Variants in POU6F2 observed in about 807,000 individuals in gnomAD.
POU6F2 encodes the protein POU domain, class 6, transcription factor 2.
In POU6F2, 31 loss-of-function variants were observed where a neutral mutation model predicts 71.3. The observed-to-expected ratio is 0.43, with a 90% CI of 0.33 to 0.59. The LOEUF (loss-of-function observed/expected upper bound fraction) is 0.59. Among genes scored for constraint, POU6F2 ranks in the 20% least tolerant of loss-of-function variants. The pLI is 0.04. For synonymous variants in POU6F2, 347 were observed against 355.7 expected (o/e 0.98, Z 0.27); for missense variants, 783 against 856.8 (o/e 0.91, Z 1.07).
intron 2 of POU6F2, among the ~76,000 whole-genome samples, chr7:39,102,360 G>T (rs1791592374): frequency 6.6e-6 from 1 of 151,984 alleles, no homozygotes; most frequent in African/African-American, 2.4e-5. Context: ...ATTTTTTACA[G>T]CCTCTTTTGC....
intron 6 of POU6F2, among the ~76,000 whole-genome samples, chr7:39,410,437 T>C (rs1787528732): frequency 6.6e-6 from 1 of 152,182 alleles, no homozygotes; most frequent in African/African-American, 2.4e-5. Flanking sequence ...TTAGTAGTCA[T>C]GAAATTGATC....
chr7:38,990,638 G>A (rs183507304), intron 1 of POU6F2, among the ~76,000 whole-genome samples: 2 of 152,082 alleles, frequency 1.3e-5, no homozygotes, highest in African/African-American at 4.8e-5. Flanking sequence ...CATAATGCTT[G>A]GTAGAGACAG....
intron 1 of POU6F2, chr7:39,002,159 T>C (rs1788934457): frequency 6.6e-6 from 1 of 152,226 alleles, no homozygotes. Flanking sequence ...GTACACTTTG[T>C]GGCAAAGGAG....
At chr7:39,190,409 CCTT>C (rs1186539994) in intron 2 of POU6F2, among the ~76,000 whole-genome samples, 4 of 116,426 alleles carry the variant, frequency 3.4e-5, no homozygotes, top group Non-Finnish European at 6.6e-5. Context: ...TCCTCCTCCT[CCTT>C]TTCTTAAAAA....
chr7:39,387,460 T>C (rs757807165), intron 5 of POU6F2, among the ~76,000 whole-genome samples: 41 of 152,228 alleles, frequency 2.7e-4, no homozygotes, highest in Non-Finnish European at 5.1e-4. Context: ...ACGTAGCTGA[T>C]TGAATGTACT....
chr7:38,989,450 T>A (rs1409601760), intron 1 of POU6F2, among the ~76,000 whole-genome samples: 2 of 152,008 alleles, frequency 1.3e-5, no homozygotes, highest in African/African-American at 4.8e-5. Context: ...AAAGCTAAGA[T>A]GGTTTCATAA....
intron 2 of POU6F2, among the ~76,000 whole-genome samples, chr7:39,196,434 C>T (rs1793788558): frequency 6.6e-6 from 1 of 152,082 alleles, no homozygotes; most frequent in Non-Finnish European, 1.5e-5. Flanking sequence ...TGTTTAAATT[C>T]CTCTGTAGAT....
chr7:39,223,844 A>G (rs1359844318), intron 4 of POU6F2, among the ~76,000 whole-genome samples: 1 of 152,070 alleles, frequency 6.6e-6, no homozygotes, highest in Non-Finnish European at 1.5e-5. Context: ...CTCTTGTTTT[A>G]CTCTAGCCTT....
intron 5 of POU6F2, among the ~76,000 whole-genome samples, chr7:39,357,215 G>A (rs1343023045): frequency 1.3e-5 from 2 of 152,144 alleles, no homozygotes; most frequent in African/African-American, 4.8e-5. Context: ...GACACAGCCT[G>A]GCTGCTTCAA....
intron 4 of POU6F2, among the ~76,000 whole-genome samples, chr7:39,273,479 C>T (rs1784375818): frequency 6.6e-6 from 1 of 152,146 alleles, no homozygotes; most frequent in Admixed American, 6.5e-5. Context: ...GAGGGGCATT[C>T]TACAGGTAAC....
At chr7:39,164,250 C>T (rs1793063548) in intron 2 of POU6F2, among the ~76,000 whole-genome samples, 1 of 151,188 alleles carries the variant, frequency 6.6e-6, no homozygotes, top group Non-Finnish European at 1.5e-5. Context: ...AAGTTTCAAA[C>T]ATAGCAGTTA....
rs5883668 is a variant in POU6F2 at position 38,983,395 on chromosome 7, C to CT, written c.105+5350dup. On this transcript the variant is annotated intron_variant, in intron 1 of 9. Coordinates refer to ENST00000518318, the MANE Select transcript of POU6F2 (RefSeq NM_001370959.1). The stretch of plus-strand genomic sequence containing the variant: ...GCTTTTGTTCCTGCCTCCCTCCTTT[C>CT]TTTTTTTTTTTTTGTAGGTGAAATG... Among the ~76,000 whole-genome samples the CT allele has an allele frequency of 5.5e-4, 72 of 130,596 alleles. 1 individual carries two copies. The highest frequency in any genetic ancestry group is 7.4e-4 in the Non-Finnish European group (45 of 60,700). 85.7% of individuals were successfully genotyped at this position (130,596 alleles called of 152,430 possible). A position where few individuals can be genotyped will look rare whatever the true frequency, so the allele number is the denominator to read the frequency against.
intron 6 of POU6F2, among the ~76,000 whole-genome samples, chr7:39,426,845 C>A (rs906217070): frequency 1.3e-5 from 2 of 152,168 alleles, no homozygotes; most frequent in African/African-American, 4.8e-5. Context: ...CTGGAACTGT[C>A]TAGCTGGTTT....
At chr7:39,102,321 G>A (rs1473519171) in intron 2 of POU6F2, among the ~76,000 whole-genome samples, 3 of 151,964 alleles carry the variant, frequency 2.0e-5, no homozygotes, top group African/African-American at 7.3e-5. Flanking sequence ...AATGACTCTT[G>A]CCTTCTGCTG....
chr7:39,284,124 A>C (rs1017817734), intron 4 of POU6F2, among the ~76,000 whole-genome samples: 1 of 152,210 alleles, frequency 6.6e-6, no homozygotes, highest in Non-Finnish European at 1.5e-5. Flanking sequence ...TTTGCAAAAG[A>C]GATTTGGTAG....
intron 1 of POU6F2, among the ~76,000 whole-genome samples, chr7:38,980,666 T>G (rs1364243106): frequency 6.6e-6 from 1 of 152,214 alleles, no homozygotes; most frequent in African/African-American, 2.4e-5. Context: ...TTTGTGTTTG[T>G]TTCTGCTCAA....
At chr7:39,225,100 A>G (rs935645788) in intron 4 of POU6F2, among the ~76,000 whole-genome samples, 4 of 152,260 alleles carry the variant, frequency 2.6e-5, no homozygotes, top group African/African-American at 7.2e-5. Flanking sequence ...TTTGAATTTC[A>G]TAGACTCTTG....
chr7:39,337,717 C>A (rs530740738), intron 4 of POU6F2, among the ~76,000 whole-genome samples: 1 of 152,208 alleles, frequency 6.6e-6, no homozygotes, highest in South Asian at 2.1e-4. Flanking sequence ...CATATATGCC[C>A]CTCCTGCTTT....
intron 8 of POU6F2, among the ~76,000 whole-genome samples, chr7:39,453,567 T>C (rs1167391662): frequency 6.6e-6 from 1 of 152,228 alleles, no homozygotes; most frequent in Non-Finnish European, 1.5e-5. Context: ...ATGTGTAAGA[T>C]GGACAGAAAG....
Sources: allele counts gnomAD v4.1 joint callset (sites outside exome capture counted in the v4.1 genomes callset), GRCh38; gene constraint gnomAD v4.1.1; transcripts MANE v1.5; gene names NCBI Gene and HGNC (gene_info 2026-07-23, HGNC 2026-07-21).